BMPR1B: variants seen among roughly 807,000 people sequenced by gnomAD.
BMPR1B encodes the protein bone morphogenetic protein receptor type 1B.
BMPR1B carries 12 observed loss-of-function variants against 59.1 expected under a neutral mutation model. That is an observed-to-expected ratio of 0.20 (90% CI 0.13 to 0.33). BMPR1B has a LOEUF of 0.33. Among genes scored for constraint, BMPR1B ranks in the 10% least tolerant of loss-of-function variants. The pLI is 1.00. For missense variants in BMPR1B, 550 were observed against 610.9 expected (o/e 0.90, Z 1.05); for synonymous variants, 237 against 207.3 (o/e 1.14, Z -1.23).
intron 10 of BMPR1B, among the ~76,000 whole-genome samples, chr4:95,145,474 A>G (rs1177441319): frequency 1.3e-5 from 2 of 152,146 alleles, no homozygotes; most frequent in African/African-American, 2.4e-5. Context: ...CGTCTGTTGT[A>G]CTGTCTGTTC....
chr4:95,109,046 A>G (rs1156471821), intron 4 of BMPR1B, among the ~76,000 whole-genome samples: 3 of 152,074 alleles, frequency 2.0e-5, no homozygotes, highest in Non-Finnish European at 4.4e-5. Flanking sequence ...GGCTTTGCAT[A>G]TCATTCCTTG....
At chr4:95,066,574 T>G (rs1727820255) in intron 3 of BMPR1B, among the ~76,000 whole-genome samples, 1 of 152,228 alleles carries the variant, frequency 6.6e-6, no homozygotes, top group South Asian at 2.1e-4. Context: ...TGGAATAGTT[T>G]AAGCAAAGTC....
At chr4:94,926,062 C>G (rs932446474) in intron 2 of BMPR1B, among the ~76,000 whole-genome samples, 4 of 85,374 alleles carry the variant, frequency 4.7e-5, no homozygotes, top group Non-Finnish European at 9.5e-5. Context: ...TCCCTCCCCC[C>G]CAATCCCTCC....
intron 1 of BMPR1B, among the ~76,000 whole-genome samples, chr4:94,762,235 A>AT (rs1262671823): frequency 1.3e-5 from 2 of 152,224 alleles, no homozygotes; most frequent in Non-Finnish European, 2.9e-5. Context: ...CACTGTGACT[A>AT]TAAGAGACAC....
Position 95,148,740 on chromosome 4 carries a change from T to C in BMPR1B, c.1077-8T>C, listed in dbSNP as rs1464549008. On this transcript the variant is annotated splice_polypyrimidine_tract_variant and splice_region_variant and intron_variant, in intron 10 of 12. Coordinates refer to ENST00000515059, the MANE Select transcript of BMPR1B (RefSeq NM_001203.3). ...ATGCTGTAATGCTTTGCTTTACTTT[T>C]TCCTTAGTGATACAAATGAAGTTGA... 3 of 1,613,618 alleles carry C rather than the reference T, an allele frequency of 1.9e-6. No individual in the cohort carries two copies. Among genetic ancestry groups the C allele is most frequent in the African/African-American group, 2.7e-5 (2 of 74,922 alleles).
At chr4:94,897,533 A>G (rs1727632407) in intron 2 of BMPR1B, among the ~76,000 whole-genome samples, 1 of 152,092 alleles carries the variant, frequency 6.6e-6, no homozygotes, top group Admixed American at 6.6e-5. Context: ...ATTGAAATAA[A>G]GAAAAAGTTA....
At chr4:95,097,219 C>T (rs1446173942) in intron 3 of BMPR1B, among the ~76,000 whole-genome samples, 1 of 148,672 alleles carries the variant, frequency 6.7e-6, no homozygotes, top group African/African-American at 2.5e-5. Context: ...TTTTAAAGAT[C>T]AGTTATTAGA....
At chr4:95,018,918 AG>A (rs1481560522) in intron 3 of BMPR1B, among the ~76,000 whole-genome samples, 1 of 152,154 alleles carries the variant, frequency 6.6e-6, no homozygotes, top group East Asian at 1.9e-4. Flanking sequence ...TGGGATAGCA[AG>A]GGGCAGGTGG....
intron 1 of BMPR1B, among the ~76,000 whole-genome samples, chr4:94,850,037 C>A (rs1431824516): frequency 6.6e-6 from 1 of 152,054 alleles, no homozygotes; most frequent in Non-Finnish European, 1.5e-5. Context: ...CCTCCCAGTT[C>A]TTGTTGATGC....
At chr4:95,006,185 C>G (rs1442797699) in intron 3 of BMPR1B, among the ~76,000 whole-genome samples, 1 of 151,790 alleles carries the variant, frequency 6.6e-6, no homozygotes, top group African/African-American at 2.4e-5. Flanking sequence ...GCGGGAGTAT[C>G]CTTTGAACCC....
chr4:94,922,960 A>G (rs116733205), intron 2 of BMPR1B, among the ~76,000 whole-genome samples: 271 of 152,254 alleles, frequency 1.8e-3, no homozygotes, highest in African/African-American at 6.0e-3. Flanking sequence ...CGAAGAGCCA[A>G]ATTGGATAGA....
intron 3 of BMPR1B, among the ~76,000 whole-genome samples, chr4:95,013,228 G>A (rs1723348758): frequency 6.6e-6 from 1 of 151,944 alleles, no homozygotes; most frequent in Non-Finnish European, 1.5e-5. Flanking sequence ...ATTTGATTAT[G>A]TAAAAGTTCT....
At chr4:95,063,824 TAAAC>T (rs1164484855) in intron 3 of BMPR1B, among the ~76,000 whole-genome samples, 5 of 151,586 alleles carry the variant, frequency 3.3e-5, no homozygotes, top group African/African-American at 7.3e-5. Flanking sequence ...AAAATGAAAA[TAAAC>T]AATAAAAGTA....
At chr4:94,834,888 T>G (rs1487411358) in intron 1 of BMPR1B, among the ~76,000 whole-genome samples, 4 of 151,756 alleles carry the variant, frequency 2.6e-5, no homozygotes, top group Non-Finnish European at 4.4e-5. Context: ...AAATAGTTCT[T>G]AAGAATGAGG....
chr4:94,769,153 G>A (rs1428111096), intron 1 of BMPR1B, among the ~76,000 whole-genome samples: 5 of 152,146 alleles, frequency 3.3e-5, no homozygotes, highest in Non-Finnish European at 5.9e-5. Flanking sequence ...CCTGGAAGGT[G>A]TAATGTAGTT....
intron 1 of BMPR1B, among the ~76,000 whole-genome samples, chr4:94,778,745 T>C (rs1319061194): frequency 6.6e-6 from 1 of 152,224 alleles, no homozygotes; most frequent in Non-Finnish European, 1.5e-5. Flanking sequence ...AGTGGGGTCA[T>C]AACTGATGTT....
intron 4 of BMPR1B, among the ~76,000 whole-genome samples, chr4:95,107,592 T>C (rs1731280798): frequency 6.6e-6 from 1 of 152,096 alleles, no homozygotes; most frequent in Admixed American, 6.6e-5. Flanking sequence ...AATATTAGCA[T>C]GTTTACTTTT....
chr4:94,989,481 T>C (rs1172035197), intron 2 of BMPR1B, among the ~76,000 whole-genome samples: 2 of 152,104 alleles, frequency 1.3e-5, no homozygotes, highest in African/African-American at 2.4e-5. Flanking sequence ...AAAGCATTAA[T>C]GTAACAGGAT....
At chr4:94,921,548 G>A (rs1578804448) in intron 2 of BMPR1B, among the ~76,000 whole-genome samples, 1 of 151,908 alleles carries the variant, frequency 6.6e-6, no homozygotes, top group East Asian at 2.0e-4. Flanking sequence ...AGGAATGGGG[G>A]GAGGTACTCC....
Sources: allele counts gnomAD v4.1 joint callset (sites outside exome capture counted in the v4.1 genomes callset), GRCh38; gene constraint gnomAD v4.1.1; transcripts MANE v1.5; gene names NCBI Gene and HGNC (gene_info 2026-07-23, HGNC 2026-07-21).